Variants in ZNF224 observed in about 807,000 individuals in gnomAD.
ZNF224 encodes bone marrow zinc finger 2.
Under a neutral mutation model 10.5 loss-of-function variants are expected in ZNF224, and 8 were observed. The ratio of observed to expected loss-of-function variants is 0.76; its 90% CI spans 0.45 to 1.37. The LOEUF (loss-of-function observed/expected upper bound fraction) is 1.37. ZNF224 is among the 40% of genes most tolerant of loss of function. The probability of loss-of-function intolerance (pLI) is 0.00; values close to 1 mark genes in which losing one functional copy is unlikely to be tolerated. For synonymous variants in ZNF224, 282 were observed against 287.8 expected (o/e 0.98, Z 0.20); for missense variants, 754 against 854.0 (o/e 0.88, Z 1.46).
chr19:44,102,966 A>G (rs1261046325), intron 5 of ZNF224, among the ~76,000 whole-genome samples: 5 of 152,170 alleles, frequency 3.3e-5, no homozygotes, highest in Non-Finnish European at 7.3e-5. Flanking sequence ...CTGGGTGGGG[A>G]AGAATGAGGA....
In ZNF224 at chr19:44,109,196, T is replaced by TA. The variant is rs2147540179; in HGVS notation, c.*914dup. 6.5e-6 allele frequency: 1 copy of TA among 153,234 alleles called. No individual in the cohort carries two copies. The highest frequency in any genetic ancestry group is 2.4e-5 in the African/African-American group (1 of 41,596). The allele number at this position is 153,234 out of a possible 1,614,324, so 9.5% of individuals were successfully genotyped here. A position where few individuals can be genotyped will look rare whatever the true frequency, so the allele number is the denominator to read the frequency against. On this transcript the variant is annotated 3_prime_UTR_variant, in exon 6 of 6. Transcript: ENST00000693561. ...AACAGTATTAAGGCAAGATTTACAGTAACACTTTTAAAGTGCCAGATGTAC... is the reference window on the plus strand; with the variant it reads ...AACAGTATTAAGGCAAGATTTACAGTAAACACTTTTAAAGTGCCAGATGTAC...
intron 3 of ZNF224, 140 bp downstream of exon 3, chr19:44,098,028 A>T: frequency 1.2e-6 from 1 of 842,510 alleles, no homozygotes; most frequent in South Asian, 2.0e-5. Context: ...TTCCTTTGTT[A>T]CTTTTGAGTG....
At position 44,107,707 on chromosome 19, in the gene ZNF224, A is replaced by C. The variant is rs771610644; in HGVS notation, c.1547A>C (p.Lys516Thr). The change falls in exon 6 of 6, where the codon AAG (lysine) becomes ACG (threonine). Residue 516 changes from lysine to threonine, a missense_variant. By Grantham distance (78) the Lys-to-Thr change is moderately conservative. Coordinates refer to ENST00000693561, the MANE Select transcript of ZNF224 (RefSeq NM_001321645.3). Reference sequence around the variant, plus strand: ...GGAGAAAAGCCATACAAATGTGAGAAGTGTGGAAAGGGCTACAATAGTAAG... The same window carrying C: ...GGAGAAAAGCCATACAAATGTGAGACGTGTGGAAAGGGCTACAATAGTAAG... Reference protein sequence around the residue: ...HTGEKPYKCEKCGKGYNSKFN... With the variant: ...HTGEKPYKCETCGKGYNSKFN... 3.1e-6 allele frequency: 5 copies of C among 1,613,866 alleles called. No homozygotes were observed. Among genetic ancestry groups the C allele is most frequent in the East Asian group, 4.5e-5 (2 of 44,884 alleles).
chr19:44,099,195 C>T (rs1967499415), intron 3 of ZNF224, among the ~76,000 whole-genome samples: 1 of 152,136 alleles, frequency 6.6e-6, no homozygotes, highest in Admixed American at 6.5e-5. Context: ...CCTCCCTGGA[C>T]CTACCTTGGG....
At position 44,107,280 on chromosome 19, in the gene ZNF224, T is replaced by C; in HGVS notation, c.1120T>C (p.Cys374Arg). 1 of 1,583,500 alleles carries C rather than the reference T, an allele frequency of 6.3e-7. No individual in the cohort carries two copies. The highest frequency in any genetic ancestry group is 8.6e-7 in the Non-Finnish European group (1 of 1,165,514). ...CCACACGGGAGAAAAGCCATATAAT[T>C]GTAAAGAGTGTGGGAAGAGCTTCAG... ...MVHTGEKPYN[C>R]KECGKSFRWA... Residue 374 changes from cysteine (C) to arginine (R), a missense_variant, in exon 6 of 6, where the codon TGT (cysteine) becomes CGT (arginine). Cys to Arg is a radical substitution (Grantham distance 180, BLOSUM62 -3). Transcript: ENST00000693561.
At position 44,109,375 on chromosome 19, in the gene ZNF224, G is replaced by A. The variant is rs1421546577; in HGVS notation, c.*1091G>A. 6.6e-6 allele frequency: 1 copy of A among 150,512 alleles called. No homozygotes were observed. The highest frequency in any genetic ancestry group is 1.5e-5 in the Non-Finnish European group (1 of 67,780). 9.3% of individuals were successfully genotyped at this position (150,512 alleles called of 1,614,324 possible). ...ATTCTAAATTTGAATGACAGCTTTTGTCAACCTTCTTATCCAATATTCTTC... is the reference window on the plus strand; with the variant it reads ...ATTCTAAATTTGAATGACAGCTTTTATCAACCTTCTTATCCAATATTCTTC... On this transcript the variant is annotated 3_prime_UTR_variant, in exon 6 of 6. Coordinates refer to ENST00000693561, the MANE Select transcript of ZNF224 (RefSeq NM_001321645.3).
At position 44,097,899 on chromosome 19, in the gene ZNF224, C is replaced by G. The variant is rs747949192; in HGVS notation, c.15+11C>G. ...ATGACCACGTTCAAGGTGGGTAGGA[C>G]TTGCTTCTATTACTCTTAAAATTCC... On this transcript the variant is annotated intron_variant, in intron 3 of 5. Coordinates refer to ENST00000693561, the MANE Select transcript of ZNF224 (RefSeq NM_001321645.3). 1.9e-6 allele frequency: 3 copies of G among 1,613,940 alleles called. No individual in the cohort carries two copies. The highest frequency in any genetic ancestry group is 2.5e-6 in the Non-Finnish European group (3 of 1,179,930).
Position 44,106,537 on chromosome 19 carries a change from A to G in ZNF224, c.377A>G (p.Lys126Arg), listed in dbSNP as rs2147533405. ...DLMINSSQFS[K>R]EGDFPCQTEA... ...ATGATAAATAGCTCTCAGTTCTCCA[A>G]AGAAGGTGATTTCCCCTGCCAGACT... is the stretch of plus-strand genomic sequence containing the variant. The change falls in exon 6 of 6, where the codon AAA becomes AGA. Residue 126 changes from lysine (K) to arginine (R), a missense_variant. Physicochemically the swap from Lys to Arg is conservative, Grantham distance 26 (BLOSUM62 2). Coordinates refer to ENST00000693561, the MANE Select transcript of ZNF224 (RefSeq NM_001321645.3). 1.2e-6 allele frequency: 2 copies of G among 1,613,890 alleles called. No individual in the cohort carries two copies. The highest frequency in any genetic ancestry group is 1.1e-5 in the South Asian group (1 of 90,756).
Position 44,100,800 on chromosome 19 carries a change from G to A in ZNF224, c.16-1G>A. 7 of 1,613,238 alleles carry A rather than the reference G, an allele frequency of 4.3e-6. No homozygotes were observed. The highest frequency in any genetic ancestry group is 4.2e-6 in the Non-Finnish European group (5 of 1,179,524). On this transcript the variant is annotated splice_acceptor_variant, in intron 3 of 5. Transcript: ENST00000693561. LOFTEE classifies it high-confidence loss of function. Reference sequence around the variant, plus strand: ...GAGATTGCATATGTTTGATGCTATAGGAGGCAATGACCTTCAAGGACGTGG... The same window carrying A: ...GAGATTGCATATGTTTGATGCTATAAGAGGCAATGACCTTCAAGGACGTGG...
intron 5 of ZNF224, among the ~76,000 whole-genome samples, chr19:44,101,948 G>A (rs1317743446): frequency 6.6e-6 from 1 of 151,848 alleles, no homozygotes; most frequent in Non-Finnish European, 1.5e-5. Flanking sequence ...TCACCTTTTG[G>A]GTCCCTTGTA....
intron 1 of ZNF224, 83 bp downstream of exon 1, chr19:44,094,613 AT>A (rs891121325): frequency 6.6e-6 from 1 of 152,378 alleles, no homozygotes; most frequent in Non-Finnish European, 1.5e-5. Context: ...TCCCGGGGGC[AT>A]TGGTACTTGG....
rs62621367 is a variant in ZNF224, at chr19:44,107,193, A to G, written c.1033A>G (p.Lys345Glu). 241 of 1,605,710 alleles carry G rather than the reference A, an allele frequency of 1.5e-4. No individual in the cohort carries two copies. Among genetic ancestry groups the G allele is most frequent in the Non-Finnish European group, 2.0e-4 (231 of 1,175,822 alleles). ...GATCCACACAGGAGAGAAACCATACAAATGTGAGGAGTGTGGAAAAGGCTT... is the reference window on the plus strand; with the variant it reads ...GATCCACACAGGAGAGAAACCATACGAATGTGAGGAGTGTGGAAAAGGCTT... ...RMIHTGEKPY[K>E]CEECGKGFIC... Residue 345 changes from lysine to glutamate, a missense_variant, in exon 6 of 6, where the codon AAA becomes GAA. Transcript: ENST00000693561.
chr19:44,097,737 C>A, intron 2 of ZNF224, 69 bp from the exon 3 acceptor site: 5 of 867,080 alleles, frequency 5.8e-6, no homozygotes, highest in Non-Finnish European at 9.5e-6. Flanking sequence ...AATACACATC[C>A]CTGTTGGTGG....
intron 1 of ZNF224, chr19:44,095,207 T>C: frequency 4.5e-6 from 1 of 220,454 alleles, no homozygotes; most frequent in Admixed American, 4.1e-5. Flanking sequence ...CAACCGAGAG[T>C]GTATAGGTTG....
chr19:44,107,750 C>G lies in ZNF224; in HGVS notation c.1590C>G (p.His530Gln), dbSNP rs1967722774. The change falls in exon 6 of 6, where the codon CAC (histidine) becomes CAG (glutamine). Residue 530 changes from histidine (H) to glutamine (Q), a missense_variant. Coordinates refer to ENST00000693561, the MANE Select transcript of ZNF224 (RefSeq NM_001321645.3). ...ATAGTAAGTTTAATCTTGATATGCA[C>G]CAGAAGGTCCACACAGGAGAGAGAC... ...GYNSKFNLDM[H>Q]QKVHTGERPY... The G allele has an allele frequency of 6.2e-7, 1 of 1,609,372 alleles. No homozygotes were observed. The highest frequency in any genetic ancestry group is 8.5e-7 in the Non-Finnish European group (1 of 1,178,624).
chr19:44,095,144 AG>A, intron 1 of ZNF224: 1 of 238,720 alleles, frequency 4.2e-6, no homozygotes. Context: ...TTGGCTTCTG[AG>A]GGCAAAGCTC....
intron 3 of ZNF224, among the ~76,000 whole-genome samples, chr19:44,099,962 A>G (rs1967514210): frequency 6.6e-6 from 1 of 152,218 alleles, no homozygotes; most frequent in African/African-American, 2.4e-5. Context: ...GAAAAGATAT[A>G]AAATTAAATA....
rs747414050 is a variant in ZNF224 at position 44,107,282 on chromosome 19, T to C, written c.1122T>C (p.Cys374=). The C allele has an allele frequency of 1.6e-5, 26 of 1,583,832 alleles. No individual in the cohort carries two copies. The South Asian group carries it at 2.4e-4, about 15-fold the overall frequency. ...MVHTGEKPYN[C]KECGKSFRWA... ...ACACGGGAGAAAAGCCATATAATTG[T>C]AAAGAGTGTGGGAAGAGCTTCAGAT... is the stretch of plus-strand genomic sequence containing the variant. The change falls in exon 6 of 6, where the codon TGT becomes TGC. Residue 374 remains cysteine, a synonymous_variant. Transcript: ENST00000693561.
rs916217736 is a variant in ZNF224 at position 44,094,445 on chromosome 19, C to G, written c.-243C>G. 3 of 152,240 alleles carry G rather than the reference C, an allele frequency of 2.0e-5. No homozygotes were observed. Among genetic ancestry groups the G allele is most frequent in the East Asian group, 3.9e-4 (2 of 5,190 alleles). 9.4% of individuals were successfully genotyped at this position (152,240 alleles called of 1,614,324 possible). Reference sequence around the variant, plus strand: ...GGGGCAGTTCCGCGCGTTGCAGGCCCTTCTGAATTTCCTGGACCTACGCAT... The same window carrying G: ...GGGGCAGTTCCGCGCGTTGCAGGCCGTTCTGAATTTCCTGGACCTACGCAT... On this transcript the variant is annotated 5_prime_UTR_variant, in exon 1 of 6. Coordinates refer to ENST00000693561, the MANE Select transcript of ZNF224 (RefSeq NM_001321645.3).
Sources: allele counts gnomAD v4.1 joint callset (sites outside exome capture counted in the v4.1 genomes callset), GRCh38; gene constraint gnomAD v4.1.1; transcripts MANE v1.5; gene names NCBI Gene and HGNC (gene_info 2026-07-23, HGNC 2026-07-21).